The following IQCK variants were observed in gnomAD, a reference collection of about 807,000 sequenced individuals.
The protein encoded by IQCK is IQ domain-containing protein K.
Under a neutral mutation model 28.1 loss-of-function variants are expected in IQCK, and 29 were observed. That is an observed-to-expected ratio of 1.03 (90% CI 0.77 to 1.41). The LOEUF is 1.41. IQCK is among the 40% of genes most tolerant of loss of function. The pLI is 0.00. For missense variants in IQCK, 359 were observed against 314.7 expected, an observed-to-expected ratio of 1.14 and a Z score of -1.07; for synonymous variants, 113 against 115.1, an observed-to-expected ratio of 0.98 and a Z score of 0.12.
chr16:19,842,307 G>C (rs1380033758), intron 9 of IQCK, among the ~76,000 whole-genome samples: 1 of 151,218 alleles, frequency 6.6e-6, no homozygotes, highest in East Asian at 1.9e-4. Context: ...AGAAATATTT[G>C]TTTGAGATGT....
chr16:19,830,800 A>G (rs2056222492), downstream of IQCK, among the ~76,000 whole-genome samples: 4 of 152,178 alleles, frequency 2.6e-5, 1 homozygote, highest in South Asian at 8.3e-4. Flanking sequence ...GACTAGTAAT[A>G]ATAGTGTCTA....
chr16:19,741,803 A>G (rs922322853), intron 4 of IQCK, among the ~76,000 whole-genome samples: 13 of 152,126 alleles, frequency 8.5e-5, no homozygotes, highest in African/African-American at 2.9e-4. Context: ...CCTGGGCAAC[A>G]TGGTGAAATC....
At chr16:19,784,706 C>T (rs1387332723) in intron 6 of IQCK, among the ~76,000 whole-genome samples, 1 of 152,178 alleles carries the variant, frequency 6.6e-6, no homozygotes, top group Non-Finnish European at 1.5e-5. Context: ...GGGCCAAGGA[C>T]CAGGAAGGAA....
intron 4 of IQCK, among the ~76,000 whole-genome samples, chr16:19,751,367 A>C (rs894727471): frequency 3.3e-5 from 5 of 151,872 alleles, no homozygotes; most frequent in African/African-American, 1.2e-4. Flanking sequence ...TAGTCCCAGC[A>C]CTCGGGAGGC....
chr16:19,757,006 G>T (rs2055062638), intron 4 of IQCK, among the ~76,000 whole-genome samples: 1 of 151,944 alleles, frequency 6.6e-6, no homozygotes, highest in South Asian at 2.1e-4. Context: ...CTTTTATCTT[G>T]GACTTCCTAG....
intron 7 of IQCK, among the ~76,000 whole-genome samples, chr16:19,809,520 A>G (rs773581209): frequency 6.6e-6 from 1 of 152,170 alleles, no homozygotes; most frequent in Non-Finnish European, 1.5e-5. Flanking sequence ...TAGCAGATAC[A>G]ATCCAGGGGA....
At chr16:19,828,979 TA>T (rs2056192542), downstream of IQCK, among the ~76,000 whole-genome samples, 2 of 143,998 alleles carry the variant, frequency 1.4e-5, no homozygotes, top group African/African-American at 2.5e-5. Flanking sequence ...AATATATAAT[TA>T]TATATATAAT....
At chr16:19,744,814 A>G (rs566480616) in intron 4 of IQCK, among the ~76,000 whole-genome samples, 1 of 152,376 alleles carries the variant, frequency 6.6e-6, no homozygotes, top group African/African-American at 2.4e-5. Context: ...TTAAACAAAT[A>G]TACTCTGTGA....
exon 10 of IQCK, chr16:19,858,451 A>G (rs2056591524): frequency 1.5e-6 from 1 of 671,872 alleles, no homozygotes; most frequent in Non-Finnish European, 2.7e-6. Context: ...TGGACAATAA[A>G]GAACTTAGAA....
intron 9 of IQCK, among the ~76,000 whole-genome samples, chr16:19,841,236 C>T (rs377214137): frequency 5.9e-5 from 9 of 152,114 alleles, no homozygotes; most frequent in East Asian, 3.8e-4. Context: ...TTGGTGGCTA[C>T]GAAACCTTTT....
intron 6 of IQCK, among the ~76,000 whole-genome samples, chr16:19,772,859 TG>T (rs1382887388): frequency 6.6e-6 from 1 of 151,898 alleles, no homozygotes; most frequent in Non-Finnish European, 1.5e-5. Context: ...AAAAATCAGC[TG>T]ATCATGGTGG....
At chr16:19,731,415 A>G (rs1977832643) in intron 2 of IQCK, among the ~76,000 whole-genome samples, 1 of 152,198 alleles carries the variant, frequency 6.6e-6, no homozygotes, top group African/African-American at 2.4e-5. Context: ...TGCCTCTGAC[A>G]GAGACATTGT....
In IQCK at chr16:19,792,599, T is replaced by C. The variant is rs2055630520; in HGVS notation, c.690+3677T>C. Among the ~76,000 whole-genome samples, 2 of 97,510 alleles carry C rather than the reference T, an allele frequency of 2.1e-5. 1 individual carries two copies. The highest frequency in any genetic ancestry group is 6.6e-4 in the South Asian group (2 of 3,044). 64.0% of individuals were successfully genotyped at this position (97,510 alleles called of 152,430 possible). A position where few individuals can be genotyped will look rare whatever the true frequency, so the allele number is the denominator to read the frequency against. ...TTTTTTTTTTTTTTTGAGACGGAGT[T>C]TTGCTCTTGTTGCCCATGCTGGAGT... On this transcript the variant is annotated intron_variant, in intron 7 of 7. Transcript: ENST00000564186.
At chr16:19,759,654 C>T (rs532529603) in intron 4 of IQCK, among the ~76,000 whole-genome samples, 4 of 152,100 alleles carry the variant, frequency 2.6e-5, no homozygotes, top group Non-Finnish European at 4.4e-5. Context: ...GACAAGCACA[C>T]GGAAAACTGG....
At chr16:19,837,745 G>A (rs2141106771) in intron 9 of IQCK, among the ~76,000 whole-genome samples, 1 of 152,262 alleles carries the variant, frequency 6.6e-6, no homozygotes, top group African/African-American at 2.4e-5. Flanking sequence ...GAATCTCCTG[G>A]GGGAAATTTA....
At chr16:19,804,678 C>T (rs1335700591) in intron 7 of IQCK, among the ~76,000 whole-genome samples, 1 of 152,108 alleles carries the variant, frequency 6.6e-6, no homozygotes, top group Admixed American at 6.5e-5. Context: ...GATCCACTCC[C>T]TCCGCCTCCC....
At chr16:19,773,668 C>A (rs546115924) in intron 6 of IQCK, among the ~76,000 whole-genome samples, 1 of 152,282 alleles carries the variant, frequency 6.6e-6, no homozygotes, top group South Asian at 2.1e-4. Flanking sequence ...TGGCTGTGTT[C>A]CAATAACACT....
chr16:19,740,237 T>C (rs2054813903), intron 4 of IQCK, among the ~76,000 whole-genome samples: 1 of 152,252 alleles, frequency 6.6e-6, no homozygotes, highest in Admixed American at 6.5e-5. Context: ...TGGCTTTTCC[T>C]GACAATTTAA....
At chr16:19,747,230 C>T (rs2054923270) in intron 4 of IQCK, among the ~76,000 whole-genome samples, 1 of 152,188 alleles carries the variant, frequency 6.6e-6, no homozygotes, top group South Asian at 2.1e-4. Context: ...GTGTCTTTGG[C>T]AGCTACTGGA....
Sources: gnomAD v4.1 joint callset for allele counts (sites outside exome capture counted in the v4.1 genomes callset) on GRCh38, gnomAD v4.1.1 for gene constraint, MANE v1.5 for transcripts, NCBI Gene and HGNC (gene_info 2026-07-23, HGNC 2026-07-21) for gene names.